CALCA: variants seen among roughly 807,000 people sequenced by gnomAD.
The protein encoded by CALCA is calcitonin.
Under a neutral mutation model 6.9 loss-of-function variants are expected in CALCA, and 4 were observed. The ratio of observed to expected loss-of-function variants is 0.58; its 90% CI spans 0.29 to 1.33. The LOEUF is 1.33. Among genes scored for constraint, CALCA ranks in the 40% most tolerant of loss-of-function variants. CALCA has a pLI of 0.09. For missense variants in CALCA, 174 were observed against 178.3 expected, an observed-to-expected ratio of 0.98 and a Z score of 0.14; for synonymous variants, 78 against 70.0, an observed-to-expected ratio of 1.11 and a Z score of -0.57.
At chr11:14,971,076 C>G (rs782815958) in intron 2 of CALCA, 31 bp downstream of exon 2, 1 of 1,573,260 alleles carries the variant, frequency 6.4e-7, no homozygotes, top group Admixed American at 1.7e-5. Context: ...TTGTCTGATA[C>G]CAGTGTGGTT....
chr11:14,968,021 A>G (rs567628514), downstream of CALCA: 2 of 801,006 alleles, frequency 2.5e-6, no homozygotes, highest in African/African-American at 3.4e-5. Context: ...CAAGGCCATT[A>G]GGGAAAATGC....
At chr11:14,967,654 C>T (rs782291791), downstream of CALCA, 2 of 1,613,064 alleles carry the variant, frequency 1.2e-6, no homozygotes, top group Non-Finnish European at 8.5e-7. Flanking sequence ...CTTCCCATCC[C>T]ATCATACAAG....
rs782393904 is a variant in CALCA at position 14,969,918 on chromosome 11, C to G, written c.227+17G>C. On this transcript the variant is annotated intron_variant, in intron 3 of 3. Coordinates refer to ENST00000331587, the MANE Select transcript of CALCA (RefSeq NM_001741.3). ...CGGGGAGAGGAGGCCCTGTGCTGAG[C>G]GCTTGGGGAGCCTCACCTGGAGCCC... 1 of 1,612,400 alleles carries G rather than the reference C, an allele frequency of 6.2e-7. No homozygotes were observed. The highest frequency in any genetic ancestry group is 1.7e-5 in the Admixed American group (1 of 60,030).
In CALCA at chr11:14,970,467, T is replaced by G. The variant is rs1334409151; in HGVS notation, c.87-392A>C. 1.4e-4 allele frequency among the ~76,000 whole-genome samples: 21 copies of G among 152,180 alleles called. 1 individual carries two copies. Among genetic ancestry groups the G allele is most frequent in the Admixed American group, 1.4e-3 (21 of 15,278 alleles). On this transcript the variant is annotated intron_variant, in intron 2 of 3. Transcript: ENST00000331587. Reference sequence around the variant, plus strand: ...AATACCAGATTTAACAATAACAAATTTAGTGGCAAACTATTTAACAGAATA... The same window carrying G: ...AATACCAGATTTAACAATAACAAATGTAGTGGCAAACTATTTAACAGAATA...
chr11:14,969,041 T>C (rs782721488), intron 3 of CALCA, 44 bp from the exon 4 acceptor site: 4 of 1,579,870 alleles, frequency 2.5e-6, no homozygotes, highest in Non-Finnish European at 3.5e-6. Context: ...CACCAGAATC[T>C]GTCCCCATGG....
intron 3 of CALCA, 37 bp from the exon 4 acceptor site, chr11:14,969,034 C>T (rs779104828): frequency 9.1e-5 from 145 of 1,592,426 alleles, no homozygotes; most frequent in Non-Finnish European, 1.2e-4. Context: ...TACCATGCAC[C>T]AGAATCTGTC....
chr11:14,966,858 C>T (rs1381312259), downstream of CALCA: 2 of 152,552 alleles, frequency 1.3e-5, no homozygotes, highest in African/African-American at 2.4e-5. Flanking sequence ...CTGACGGGGC[C>T]TAGATTTGCT....
intron 3 of CALCA, 93 bp from the exon 4 acceptor site, chr11:14,969,090 G>A (rs1849528310): frequency 8.7e-7 from 1 of 1,146,432 alleles, no homozygotes; most frequent in Non-Finnish European, 1.3e-6. Flanking sequence ...GGGGACCCTG[G>A]GAGCAGGAGG....
At chr11:14,968,385 C>T, downstream of CALCA, 1 of 1,105,628 alleles carries the variant, frequency 9.0e-7, no homozygotes. Context: ...TCAAAGGGAC[C>T]ACCCACCATA....
downstream of CALCA, chr11:14,967,989 C>G: frequency 1.0e-6 from 1 of 1,004,562 alleles, no homozygotes; most frequent in Middle Eastern, 2.7e-4. Context: ...CTCCTAAACA[C>G]AATTATCAGA....
chr11:14,969,859 C>T (rs1849551314), intron 3 of CALCA, 76 bp downstream of exon 3: 2 of 1,607,306 alleles, frequency 1.2e-6, no homozygotes, highest in Non-Finnish European at 1.7e-6. Flanking sequence ...GTGTTCTCTC[C>T]TACCTCTCGG....
rs78790436 is a variant in CALCA, at chr11:14,969,735, A to T, written c.227+200T>A. ...ACTTTCAGAAACGGAGCCTTTTGTT[A>T]TGTCTAACCACGGTACCTCCAGCTG... On this transcript the variant is annotated intron_variant, in intron 3 of 3. Transcript: ENST00000331587. 2.6e-3 allele frequency among the ~76,000 whole-genome samples: 391 copies of T among 152,210 alleles called. 2 individuals carry two copies. Among genetic ancestry groups the T allele is most frequent in the Middle Eastern group, 0.01 (3 of 294 alleles).
chr11:14,970,374 G>C (rs1324387737), intron 2 of CALCA, among the ~76,000 whole-genome samples: 1 of 152,236 alleles, frequency 6.6e-6, no homozygotes, highest in Non-Finnish European at 1.5e-5. Context: ...CTTACAGTTA[G>C]TGCTGAACCT....
chr11:14,967,969 T>C (rs1849496422), downstream of CALCA: 12 of 1,230,178 alleles, frequency 9.8e-6, no homozygotes, highest in Admixed American at 8.9e-5. Context: ...CCAATTAACT[T>C]TAAGTGTTTC....
chr11:14,966,752 C>T (rs545670071), downstream of CALCA: 20 of 152,758 alleles, frequency 1.3e-4, no homozygotes, highest in African/African-American at 4.1e-4. Context: ...ATACTTCTGT[C>T]AAGGCACAGC....
Position 14,968,865 on chromosome 11 carries a change from C to T in CALCA, c.360G>A (p.Arg120=). The T allele has an allele frequency of 2.5e-6, 4 of 1,614,140 alleles. No individual in the cohort carries two copies. Among genetic ancestry groups the T allele is most frequent in the South Asian group, 2.2e-5 (2 of 91,082 alleles). Residue 120 remains arginine, a synonymous_variant, in exon 4 of 4, where the codon AGG becomes AGA. Coordinates refer to ENST00000331587, the MANE Select transcript of CALCA (RefSeq NM_001741.3). The stretch of plus-strand genomic sequence containing the variant: ...CTCTCTCCAAGTCGCTGGACATATC[C>T]CTTTTCTTTCCAGGTGCTCCAACCC... ...AIGVGAPGKK[R]DMSSDLERDH...
At chr11:14,967,741 A>T, downstream of CALCA, 1 of 1,614,218 alleles carries the variant, frequency 6.2e-7, no homozygotes, top group Non-Finnish European at 8.5e-7. Context: ...TTTGGAACCC[A>T]CATTGGTGGG....
At chr11:14,969,874 C>T in intron 3 of CALCA, 61 bp downstream of exon 3, 2 of 1,611,212 alleles carry the variant, frequency 1.2e-6, no homozygotes, top group Non-Finnish European at 8.5e-7. Flanking sequence ...TCTCGGGATC[C>T]ACCTTCCTGT....
chr11:14,967,602 G>C, downstream of CALCA: 1 of 1,557,210 alleles, frequency 6.4e-7, no homozygotes, highest in Non-Finnish European at 8.8e-7. Context: ...TCTCAGAGAG[G>C]CTCAGAGTGG....
Sources: allele counts gnomAD v4.1 joint callset (sites outside exome capture counted in the v4.1 genomes callset), GRCh38; gene constraint gnomAD v4.1.1; transcripts MANE v1.5; gene names NCBI Gene and HGNC (gene_info 2026-07-23, HGNC 2026-07-21).